Variants in CPPED1 observed in about 807,000 individuals in gnomAD.
The protein encoded by CPPED1 is serine/threonine-protein phosphatase CPPED1.
CPPED1 carries 28 observed loss-of-function variants against 28.0 expected under a neutral mutation model. The observed-to-expected ratio is 1.00, with a 90% CI of 0.74 to 1.37. The LOEUF (loss-of-function observed/expected upper bound fraction) is 1.37, where lower values mean the gene tolerates loss of function less well. CPPED1 is among the 40% of genes most tolerant of loss of function. CPPED1 has a pLI of 0.00. For missense variants in CPPED1, 504 were observed against 416.5 expected (o/e 1.21, Z -1.83); for synonymous variants, 198 against 180.2 (o/e 1.10, Z -0.79).
chr16:12,799,952 T>A (rs758593593), intron 1 of CPPED1, among the ~76,000 whole-genome samples: 1 of 152,142 alleles, frequency 6.6e-6, no homozygotes, highest in African/African-American at 2.4e-5. Context: ...AGGTATCTTA[T>A]AGATTTATCA....
intron 2 of CPPED1, among the ~76,000 whole-genome samples, chr16:12,728,882 G>T (rs1053411397): frequency 2.6e-5 from 4 of 152,178 alleles, no homozygotes; most frequent in African/African-American, 9.7e-5. Context: ...TCTTCAAAAA[G>T]TGTTCAAAGA....
intron 2 of CPPED1, among the ~76,000 whole-genome samples, chr16:12,721,192 TGA>T (rs1409328844): frequency 2.6e-5 from 4 of 152,108 alleles, no homozygotes; most frequent in Non-Finnish European, 5.9e-5. Context: ...TATGCTTCAC[TGA>T]AAGTCCATCT....
chr16:12,798,903 G>A (rs774385143), intron 1 of CPPED1, among the ~76,000 whole-genome samples: 1 of 152,184 alleles, frequency 6.6e-6, no homozygotes, highest in Non-Finnish European at 1.5e-5. Flanking sequence ...TTTCTCAGGT[G>A]AGACATGTAC....
At chr16:12,750,371 T>C (rs946746728) in intron 2 of CPPED1, among the ~76,000 whole-genome samples, 2 of 152,216 alleles carry the variant, frequency 1.3e-5, no homozygotes, top group African/African-American at 4.8e-5. Context: ...TTCCTTTCAT[T>C]TGAACGCTTA....
rs769976201 is a variant in CPPED1 at position 12,665,057 on chromosome 16, G to A, written c.774C>T (p.Asn258=). ...TGGCAGATGACACCACCATGTCGAGGTTCTGGTAGGTACCCCCGGCATTCC... is the reference window on the plus strand; with the variant it reads ...TGGCAGATGACACCACCATGTCGAGATTCTGGTAGGTACCCCCGGCATTCC... The part of the protein sequence containing the change: ...YHRNAGGTYQ[N]LDMVVSSAIG... Residue 258 remains asparagine, a synonymous_variant, in exon 4 of 4, where the codon AAC becomes AAT. Coordinates refer to ENST00000381774, the MANE Select transcript of CPPED1 (RefSeq NM_018340.3). 2 of 1,609,270 alleles carry A rather than the reference G, an allele frequency of 1.2e-6. No individual in the cohort carries two copies. Among genetic ancestry groups the A allele is most frequent in the Non-Finnish European group, 1.7e-6 (2 of 1,178,600 alleles).
At chr16:12,698,137 A>G (rs1355394938) in intron 3 of CPPED1, among the ~76,000 whole-genome samples, 1 of 152,110 alleles carries the variant, frequency 6.6e-6, no homozygotes, top group Non-Finnish European at 1.5e-5. Context: ...AAGTCAGTTC[A>G]TGAAAACCAA....
intron 2 of CPPED1, among the ~76,000 whole-genome samples, chr16:12,711,136 C>G (rs534852646): frequency 6.6e-5 from 10 of 152,084 alleles, no homozygotes; most frequent in African/African-American, 2.2e-4. Context: ...ATCCATACAA[C>G]GAAATATTAT....
rs1317064138 is a variant in CPPED1, at chr16:12,704,669, T to C, written c.670A>G (p.Ser224Gly). ...GCCAACTTCTTCCGAGTGGACTTGC[T>C]GAGGTTGAAGTAGTAGTCGTCGTCC... ...DEDDDYYFNL[S>G]KSTRKKLADK... is the part of the protein sequence containing the mutation. Residue 224 changes from serine (S) to glycine (G), a missense_variant, in exon 3 of 4, where the codon AGC (serine) becomes GGC (glycine). Physicochemically the swap from Ser to Gly is moderately conservative, Grantham distance 56. Coordinates refer to ENST00000381774, the MANE Select transcript of CPPED1 (RefSeq NM_018340.3). The C allele has an allele frequency of 6.2e-7, 1 of 1,613,806 alleles. No individual in the cohort carries two copies. The highest frequency in any genetic ancestry group is 8.5e-7 in the Non-Finnish European group (1 of 1,179,716).
chr16:12,734,563 T>C (rs1315623923), intron 2 of CPPED1, among the ~76,000 whole-genome samples: 1 of 152,124 alleles, frequency 6.6e-6, no homozygotes. Context: ...GGATTTTTAG[T>C]AGAGACGGGG....
intron 3 of CPPED1, among the ~76,000 whole-genome samples, chr16:12,673,167 T>A (rs1713473): frequency 6.6e-6 from 1 of 152,172 alleles, no homozygotes; most frequent in Admixed American, 6.5e-5. Context: ...GTTGGGCGCC[T>A]GATGGGTCCT....
At chr16:12,803,645 T>A (rs2080674505) in intron 1 of CPPED1, 62 bp downstream of exon 1, 1 of 1,343,406 alleles carries the variant, frequency 7.4e-7, no homozygotes, top group Non-Finnish European at 9.8e-7. Context: ...GAACAAAAGG[T>A]TCCCCCGGCG....
chr16:12,696,598 C>T (rs187766593), intron 3 of CPPED1, among the ~76,000 whole-genome samples: 112 of 152,008 alleles, frequency 7.4e-4, no homozygotes, highest in South Asian at 5.0e-3. Flanking sequence ...CTCACCACCA[C>T]GCTCCACTAA....
intron 1 of CPPED1, among the ~76,000 whole-genome samples, chr16:12,799,187 G>C (rs2080643968): frequency 6.6e-6 from 1 of 151,846 alleles, no homozygotes; most frequent in South Asian, 2.1e-4. Flanking sequence ...ACTGTTGCTT[G>C]AGTTAATCAA....
chr16:12,741,810 G>C (rs1260440878), intron 2 of CPPED1, among the ~76,000 whole-genome samples: 1 of 152,152 alleles, frequency 6.6e-6, no homozygotes, highest in Non-Finnish European at 1.5e-5. Flanking sequence ...CAGTTCTTTG[G>C]GAGGCCGAGG....
chr16:12,792,334 T>C (rs370426774), intron 1 of CPPED1, among the ~76,000 whole-genome samples: 3 of 152,128 alleles, frequency 2.0e-5, no homozygotes, highest in African/African-American at 7.2e-5. Flanking sequence ...CACATAACAA[T>C]GTCTACAGAC....
At chr16:12,728,707 G>C (rs539987917) in intron 2 of CPPED1, among the ~76,000 whole-genome samples, 1 of 152,268 alleles carries the variant, frequency 6.6e-6, no homozygotes, top group South Asian at 2.1e-4. Flanking sequence ...GCCTCTCCTT[G>C]TGCTAATACT....
At chr16:12,769,287 C>T (rs1036731698) in intron 2 of CPPED1, among the ~76,000 whole-genome samples, 1 of 152,024 alleles carries the variant, frequency 6.6e-6, no homozygotes, top group Non-Finnish European at 1.5e-5. Context: ...TTTTGATAAC[C>T]GTATTTCAAT....
At chr16:12,739,052 G>A (rs923375106) in intron 2 of CPPED1, among the ~76,000 whole-genome samples, 1 of 152,110 alleles carries the variant, frequency 6.6e-6, no homozygotes, top group Non-Finnish European at 1.5e-5. Context: ...TGAGTCTTGG[G>A]TCTGCTGCTT....
At chr16:12,685,838 G>A (rs887224109) in intron 3 of CPPED1, among the ~76,000 whole-genome samples, 11 of 152,348 alleles carry the variant, frequency 7.2e-5, no homozygotes, top group South Asian at 2.1e-4. Flanking sequence ...AGGAAACCAC[G>A]GGGGTGTCTG....
Sources: gnomAD v4.1 joint callset for allele counts (sites outside exome capture counted in the v4.1 genomes callset) on GRCh38, gnomAD v4.1.1 for gene constraint, MANE v1.5 for transcripts, NCBI Gene and HGNC (gene_info 2026-07-23, HGNC 2026-07-21) for gene names.